FER1L6: variants seen among roughly 807,000 people sequenced by gnomAD.
FER1L6 encodes the protein fer-1 like family member 6.
Under a neutral mutation model 219.2 loss-of-function variants are expected in FER1L6, and 177 were observed. That is an observed-to-expected ratio of 0.81 (90% confidence interval 0.71 to 0.91). FER1L6 has a LOEUF of 0.91. Ranked by LOEUF, FER1L6 falls within the 40% of genes least tolerant of loss-of-function variation. The pLI is 0.00. For synonymous variants in FER1L6, 768 were observed against 824.3 expected (o/e 0.93, Z 1.17); for missense variants, 2,153 against 2,259.9 (o/e 0.95, Z 0.96).
At chr8:123,951,683 T>C (rs2130088309) in intron 1 of FER1L6, among the ~76,000 whole-genome samples, 1 of 152,370 alleles carries the variant, frequency 6.6e-6, no homozygotes, top group Admixed American at 6.5e-5. Flanking sequence ...AATTTATTCT[T>C]TGGATGGAAA....
At chr8:123,984,900 A>T (rs185841923) in intron 11 of FER1L6, 1 of 152,162 alleles carries the variant, frequency 6.6e-6, no homozygotes, top group African/African-American at 2.4e-5. Context: ...GCAGAGTTCA[A>T]TCAATCCAAT....
rs74963913 is a variant in FER1L6 at position 124,010,512 on chromosome 8, C to T, written c.1701-82C>T. 7.4e-3 allele frequency: 11,290 copies of T among 1,530,078 alleles called. 52 individuals are homozygous for T. Among genetic ancestry groups the T allele is most frequent in the Non-Finnish European group, 8.4e-3 (9,439 of 1,124,588 alleles). The allele number at this position is 1,530,078 out of a possible 1,614,324, so 94.8% of individuals were successfully genotyped here. A position where few individuals can be genotyped will look rare whatever the true frequency, so the allele number is the denominator to read the frequency against. ...CATGCCTCCCGAGTCCTGCCCAGAA[C>T]GTATAAAACATTAACGTGTGACTGG... On this transcript the variant is annotated intron_variant, in intron 13 of 40. Transcript: ENST00000522917.
In FER1L6 at chr8:124,095,056, T is replaced by C; in HGVS notation, c.4695+18T>C. On this transcript the variant is annotated intron_variant, in intron 35 of 40. Transcript: ENST00000522917. ...TGGAGCAGGTAGTGGGCAAGACTAT[T>C]CTGGCCCTAAAAGTTAATCTTGTGT... 6.2e-7 allele frequency: 1 copy of C among 1,613,802 alleles called. No homozygotes were observed. The highest frequency in any genetic ancestry group is 8.5e-7 in the Non-Finnish European group (1 of 1,179,822).
intron 7 of FER1L6, among the ~76,000 whole-genome samples, chr8:123,974,034 G>T (rs1278132066): frequency 6.6e-6 from 1 of 152,182 alleles, no homozygotes; most frequent in Non-Finnish European, 1.5e-5. Flanking sequence ...CAAAGGATTT[G>T]CTGTACTTAT....
chr8:123,935,012 C>G (rs1586484506), intron 1 of FER1L6, among the ~76,000 whole-genome samples: 2 of 152,248 alleles, frequency 1.3e-5, no homozygotes, highest in African/African-American at 4.8e-5. Flanking sequence ...AGTTAAATCT[C>G]TTTTCTTTAT....
intron 12 of FER1L6, among the ~76,000 whole-genome samples, chr8:124,000,852 A>G (rs974614872): frequency 6.6e-6 from 1 of 152,146 alleles, no homozygotes; most frequent in Non-Finnish European, 1.5e-5. Context: ...CTAACAAAGA[A>G]TCTCCTGTCT....
At chr8:123,883,002 C>G (rs977818916) in intron 1 of FER1L6, among the ~76,000 whole-genome samples, 1 of 152,132 alleles carries the variant, frequency 6.6e-6, no homozygotes, top group South Asian at 2.1e-4. Context: ...TGTAGGAACT[C>G]TCTACCTTTT....
Position 123,934,855 on chromosome 8 carries a change from T to G in FER1L6, c.-7-21137T>G, listed in dbSNP as rs139956150. 4.4e-3 allele frequency among the ~76,000 whole-genome samples: 663 copies of G among 152,282 alleles called. 5 individuals are homozygous for G. The highest frequency in any genetic ancestry group is 0.015 in the African/African-American group (612 of 41,526). ...ATTGAGTTCTCATGAGATCTGATGGTTTACAAGTGTGTGGCACTTAACCCC... is the reference window on the plus strand; with the variant it reads ...ATTGAGTTCTCATGAGATCTGATGGGTTACAAGTGTGTGGCACTTAACCCC... On this transcript the variant is annotated intron_variant, in intron 1 of 40. Coordinates refer to ENST00000522917, the MANE Select transcript of FER1L6 (RefSeq NM_001039112.2).
chr8:123,913,354 G>A lies in FER1L6; in HGVS notation c.-7-42638G>A, dbSNP rs184874845. 1.9e-3 allele frequency among the ~76,000 whole-genome samples: 295 copies of A among 151,962 alleles called. 2 individuals carry two copies. The highest frequency in any genetic ancestry group is 3.7e-3 in the Non-Finnish European group (249 of 67,970). Reference sequence around the variant, plus strand: ...TATTCACACACACACATATATATTTGATATTTACAAAAATCTATTCTTTTT... The same window carrying A: ...TATTCACACACACACATATATATTTAATATTTACAAAAATCTATTCTTTTT... On this transcript the variant is annotated intron_variant, in intron 1 of 40. Coordinates refer to ENST00000522917, the MANE Select transcript of FER1L6 (RefSeq NM_001039112.2).
rs537278184 is a variant in FER1L6 at position 123,976,688 on chromosome 8, C to T, written c.870+604C>T. Among the ~76,000 whole-genome samples the T allele has an allele frequency of 5.9e-4, 90 of 152,274 alleles. 1 individual carries two copies. Among genetic ancestry groups the T allele is most frequent in the South Asian group, 1.5e-3 (7 of 4,818 alleles). The stretch of plus-strand genomic sequence containing the variant: ...CTCTGAGCTGTTTATTCAGTCCCCA[C>T]ATCCGGTAGAATTTCCACCCACCTC... On this transcript the variant is annotated intron_variant, in intron 9 of 40. Transcript: ENST00000522917.
At chr8:123,963,025 G>A (rs1029695372) in intron 2 of FER1L6, among the ~76,000 whole-genome samples, 4 of 152,168 alleles carry the variant, frequency 2.6e-5, no homozygotes, top group South Asian at 2.1e-4. Flanking sequence ...TTCACAATCC[G>A]ATTTTTCTTT....
intron 27 of FER1L6, among the ~76,000 whole-genome samples, chr8:124,067,321 A>G (rs1820869438): frequency 6.6e-6 from 1 of 152,196 alleles, no homozygotes; most frequent in Non-Finnish European, 1.5e-5. Flanking sequence ...TGCAATGGAC[A>G]CTATCACTTC....
chr8:124,073,437 TTTGA>T (rs1442078300), intron 31 of FER1L6, among the ~76,000 whole-genome samples: 3 of 152,156 alleles, frequency 2.0e-5, no homozygotes, highest in African/African-American at 7.2e-5. Flanking sequence ...TTTCTAGTAG[TTTGA>T]TTATGTGTGG....
chr8:124,086,317 G>T (rs1425544643), intron 33 of FER1L6, among the ~76,000 whole-genome samples: 4 of 150,946 alleles, frequency 2.6e-5, no homozygotes, highest in Non-Finnish European at 5.9e-5. Flanking sequence ...TTCTCTGGTG[G>T]TATGTTTTAA....
At chr8:124,117,963 C>T (rs182059433) in intron 39 of FER1L6, among the ~76,000 whole-genome samples, 1 of 152,288 alleles carries the variant, frequency 6.6e-6, no homozygotes, top group Admixed American at 6.5e-5. Context: ...ATGCTTCACT[C>T]CTACCAGCTC....
chr8:124,096,748 T>C (rs1354075857), intron 35 of FER1L6, among the ~76,000 whole-genome samples: 1 of 152,158 alleles, frequency 6.6e-6, no homozygotes, highest in Non-Finnish European at 1.5e-5. Context: ...ACAGAGATAA[T>C]GAAGGTAAAG....
In FER1L6 at chr8:123,853,711, G is replaced by A. The variant is rs1337496373; in HGVS notation, c.-8+1526G>A. ...GCACGTATGCAGGTGACATGCTCAT[G>A]GCTATGATGAAGACCTGGAGGAGGA... On this transcript the variant is annotated intron_variant, in intron 1 of 40. Transcript: ENST00000522917. The surrounding 1 kb of genome is among the most constrained non-coding windows in gnomAD (Gnocchi z 6.6). 6.6e-6 allele frequency among the ~76,000 whole-genome samples: 1 copy of A among 152,212 alleles called. No individual in the cohort carries two copies. The highest frequency in any genetic ancestry group is 2.4e-5 in the African/African-American group (1 of 41,464).
intron 13 of FER1L6, among the ~76,000 whole-genome samples, chr8:124,007,306 C>T (rs1324575903): frequency 6.6e-6 from 1 of 152,064 alleles, no homozygotes; most frequent in Non-Finnish European, 1.5e-5. Flanking sequence ...CCCTCTCCCC[C>T]CCCTACCTTC....
At chr8:124,043,667 G>A (rs983199645) in intron 20 of FER1L6, among the ~76,000 whole-genome samples, 9 of 152,128 alleles carry the variant, frequency 5.9e-5, no homozygotes, top group Non-Finnish European at 1.5e-5. Flanking sequence ...AGGCAGTGCA[G>A]CTCCAGAGTC....
Sources: gnomAD v4.1 joint callset for allele counts (sites outside exome capture counted in the v4.1 genomes callset) on GRCh38, gnomAD v4.1.1 for gene constraint, Gnocchi (gnomAD v3.1) non-coding constraint, MANE v1.5 for transcripts, NCBI Gene and HGNC (gene_info 2026-07-23, HGNC 2026-07-21) for gene names.